Variants in USP40 observed in about 807,000 individuals in gnomAD.
USP40 encodes the protein ubiquitin carboxyl-terminal hydrolase 40.
Under a neutral mutation model 166.2 loss-of-function variants are expected in USP40, and 143 were observed. That is an observed-to-expected ratio of 0.86 (90% CI 0.75 to 0.99). USP40 has a LOEUF of 0.99. USP40 is among the 50% of genes least tolerant of loss of function. USP40 has a pLI of 0.00. For synonymous variants in USP40, 498 were observed against 524.0 expected (o/e 0.95, Z 0.68); for missense variants, 1,444 against 1,479.7 (o/e 0.98, Z 0.40).
rs2064926673 is a variant in USP40 at position 233,486,021 on chromosome 2, A to C, written c.3198-44T>G. 1 of 1,527,568 alleles carries C rather than the reference A, an allele frequency of 6.5e-7. No homozygotes were observed. The highest frequency in any genetic ancestry group is 2.2e-4 in the Middle Eastern group (1 of 4,482). The allele number at this position is 1,527,568 out of a possible 1,614,324, so 94.6% of individuals were successfully genotyped here. On this transcript the variant is annotated intron_variant, in intron 28 of 31. Coordinates refer to ENST00000678225, the MANE Select transcript of USP40 (RefSeq NM_001365479.2). The surrounding 1 kb of genome is among the most constrained non-coding windows in gnomAD (Gnocchi z 4.0). ...AAGCGCCAGATCCAAACAAACAAAC[A>C]AAACCACGTGGTAACTTGAGGCATA...
intron 5 of USP40, chr2:233,556,648 A>G: frequency 2.8e-6 from 1 of 359,718 alleles, no homozygotes; most frequent in Non-Finnish European, 4.8e-6. Context: ...TAAAAGATTA[A>G]GTTTCAAGAT....
Position 233,493,396 on chromosome 2 carries a change from T to C in USP40, c.2917+29A>G. The C allele has an allele frequency of 6.2e-7, 1 of 1,613,984 alleles. No homozygotes were observed. The highest frequency in any genetic ancestry group is 1.1e-5 in the South Asian group (1 of 91,072). ...CAATTTACTTCTCTTTATGATGCAC[T>C]GGCTGCTGAAATCCCATTCTGTTCT... On this transcript the variant is annotated intron_variant, in intron 25 of 31. Transcript: ENST00000678225. This position sits in a 1 kb window ranked among gnomAD's most constrained non-coding sequence, Gnocchi z 4.7.
chr2:233,556,846 C>T lies in USP40; in HGVS notation c.546+9G>A. On this transcript the variant is annotated intron_variant, in intron 5 of 31. Transcript: ENST00000678225. Reference sequence around the variant, plus strand: ...ATAACTTATTACTAAAATACTCTGGCATATTTACCTGCCTCTCGCTAACGT... The same window carrying T: ...ATAACTTATTACTAAAATACTCTGGTATATTTACCTGCCTCTCGCTAACGT... The T allele has an allele frequency of 1.2e-6, 2 of 1,605,196 alleles. No individual in the cohort carries two copies. Among genetic ancestry groups the T allele is most frequent in the East Asian group, 2.2e-5 (1 of 44,772 alleles).
At chr2:233,549,875 T>A (rs527513686) in intron 7 of USP40, among the ~76,000 whole-genome samples, 135 of 152,258 alleles carry the variant, frequency 8.9e-4, no homozygotes, top group Non-Finnish European at 1.8e-3. Context: ...CTATAATTAA[T>A]ATGCTCCATA....
chr2:233,512,637 A>AATATTATTTTCCTTAGT lies in USP40; in HGVS notation c.2384-16_2384-15insACTAAGGAAAATAATAT, dbSNP rs1553562876. 7.2e-7 allele frequency: 1 copy of AATATTATTTTCCTTAGT among 1,384,452 alleles called. No individual in the cohort carries two copies. Among genetic ancestry groups the AATATTATTTTCCTTAGT allele is most frequent in the Non-Finnish European group, 9.8e-7 (1 of 1,024,836 alleles). 85.8% of individuals were successfully genotyped at this position (1,384,452 alleles called of 1,614,324 possible). A position where few individuals can be genotyped will look rare whatever the true frequency, so the allele number is the denominator to read the frequency against. Reference sequence around the variant, plus strand: ...GCTGTTGTCAGCTATATATAAAAGGAATATTATTTTTCTTAGAGAGCTAGG... The same window carrying AATATTATTTTCCTTAGT: ...GCTGTTGTCAGCTATATATAAAAGGAATATTATTTTCCTTAGTATATTATTTTTCTTAGAGAGCTAGG... On this transcript the variant is annotated splice_polypyrimidine_tract_variant and intron_variant, in intron 18 of 31. Coordinates refer to ENST00000678225, the MANE Select transcript of USP40 (RefSeq NM_001365479.2).
At chr2:233,515,940 A>C (rs534021059) in intron 18 of USP40, among the ~76,000 whole-genome samples, 12 of 152,340 alleles carry the variant, frequency 7.9e-5, no homozygotes, top group African/African-American at 2.9e-4. Flanking sequence ...AAAAAATGCT[A>C]TCTCTCTGCA....
intron 24 of USP40, among the ~76,000 whole-genome samples, chr2:233,494,936 A>ATT (rs2065608788): frequency 1.6e-5 from 1 of 62,606 alleles, no homozygotes; most frequent in African/African-American, 1.1e-4. Flanking sequence ...ATATATATAT[A>ATT]TATATATATA....
At chr2:233,505,408 C>A (rs2125129132) in intron 21 of USP40, among the ~76,000 whole-genome samples, 1 of 152,132 alleles carries the variant, frequency 6.6e-6, no homozygotes, top group South Asian at 2.1e-4. Context: ...AAAACTGGTT[C>A]TTTTAATAGA....
chr2:233,494,285 ACCTAGCAG>A (rs1425998646), intron 24 of USP40, among the ~76,000 whole-genome samples: 7 of 151,044 alleles, frequency 4.6e-5, no homozygotes, highest in Non-Finnish European at 8.8e-5. Flanking sequence ...TTTTTTTTTC[ACCTAGCAG>A]ACTGTCAAAA....
In USP40 at chr2:233,499,902, A is replaced by G. The variant is rs1303871324; in HGVS notation, c.2627T>C (p.Met876Thr). Residue 876 changes from methionine (M) to threonine (T), a missense_variant, in exon 22 of 32, where the codon ATG (methionine) becomes ACG (threonine). Coordinates refer to ENST00000678225, the MANE Select transcript of USP40 (RefSeq NM_001365479.2). ...ACCTTGTAGGCCAGATTTCTTCAGCATTAACTTTAAACACTGTAAAGAAAA... is the reference window on the plus strand; with the variant it reads ...ACCTTGTAGGCCAGATTTCTTCAGCGTTAACTTTAAACACTGTAAAGAAAA... Reference protein sequence around the residue: ...TISVRDCLKLMLKKSGLQGDA... With the variant: ...TISVRDCLKLTLKKSGLQGDA... 7 of 1,612,324 alleles carry G rather than the reference A, an allele frequency of 4.3e-6. No homozygotes were observed. The East Asian group carries it at 1.6e-4, about 36-fold the overall frequency.
intron 30 of USP40, chr2:233,481,707 A>G (rs1436238222): frequency 6.1e-6 from 1 of 162,760 alleles, no homozygotes; most frequent in Non-Finnish European, 1.3e-5. Context: ...TTCTATAGCC[A>G]GCCCCAGCTT....
intron 24 of USP40, among the ~76,000 whole-genome samples, 171 bp downstream of exon 24, chr2:233,496,587 A>G (rs2125094578): frequency 6.6e-6 from 1 of 152,336 alleles, no homozygotes. Context: ...ATTTTGTGTG[A>G]GAATATTTAC....
intron 21 of USP40, among the ~76,000 whole-genome samples, chr2:233,500,189 C>A (rs1207126272): frequency 3.3e-5 from 5 of 152,188 alleles, no homozygotes; most frequent in African/African-American, 1.2e-4. Context: ...CAGGTTTGAA[C>A]CATGACTTTC....
chr2:233,546,878 A>G (rs997224502), intron 8 of USP40: 2 of 152,202 alleles, frequency 1.3e-5, no homozygotes, highest in African/African-American at 4.8e-5. Context: ...TAACAACACG[A>G]TAAGGATTGG....
At chr2:233,514,910 A>G (rs2067082580) in intron 18 of USP40, among the ~76,000 whole-genome samples, 1 of 152,168 alleles carries the variant, frequency 6.6e-6, no homozygotes, top group Non-Finnish European at 1.5e-5. Flanking sequence ...ATTTGCAGCC[A>G]ATCCCTCTTC....
chr2:233,553,171 T>C (rs538971428), intron 6 of USP40, among the ~76,000 whole-genome samples: 1 of 152,340 alleles, frequency 6.6e-6, no homozygotes, highest in African/African-American at 2.4e-5. Flanking sequence ...ATAATAATCA[T>C]TTTTATATTA....
chr2:233,498,551 T>C lies in USP40; in HGVS notation c.2712A>G (p.Glu904=), dbSNP rs779462772. 3 of 1,612,984 alleles carry C rather than the reference T, an allele frequency of 1.9e-6. No individual in the cohort carries two copies. The highest frequency in any genetic ancestry group is 1.7e-6 in the Non-Finnish European group (2 of 1,179,464). ...WCYEAGEPLC[E]EDATLKELLI... is the part of the protein sequence containing the mutation. ...CAATGTATAGAAATCATCTTACTTC[T>C]TCACATAAAGGCTCTCCAGCTTCAT... is the stretch of plus-strand genomic sequence containing the variant. The change falls in exon 23 of 32, where the codon GAA becomes GAG. Residue 904 remains glutamate, a synonymous_variant. Transcript: ENST00000678225.
intron 17 of USP40, 73 bp from the exon 18 acceptor site, chr2:233,519,744 G>T: frequency 1.1e-5 from 9 of 803,958 alleles, no homozygotes; most frequent in Non-Finnish European, 1.7e-5. Context: ...TTGTCACTGT[G>T]TGCATAAACA....
At position 233,533,479 on chromosome 2, in the gene USP40, C is replaced by T; in HGVS notation, c.1471G>A (p.Ala491Thr). ...AATAGGAACATTTTTCTTTCCATAC[C>T]TTCAGGGGGTCTCTGCAACTGGGAT... ...RKSQLQRPPE[A>T]RANPRYGVPC... Residue 491 changes from alanine (A) to threonine (T), a missense_variant and splice_region_variant, in exon 11 of 32, where the codon GCT becomes ACT. Transcript: ENST00000678225. 1 of 1,611,756 alleles carries T rather than the reference C, an allele frequency of 6.2e-7. No homozygotes were observed. The highest frequency in any genetic ancestry group is 8.5e-7 in the Non-Finnish European group (1 of 1,178,492).
Sources: gnomAD v4.1 joint callset for allele counts (sites outside exome capture counted in the v4.1 genomes callset) on GRCh38, gnomAD v4.1.1 for gene constraint, Gnocchi (gnomAD v3.1) non-coding constraint, MANE v1.5 for transcripts, NCBI Gene and HGNC (gene_info 2026-07-23, HGNC 2026-07-21) for gene names.